The following CSMD1 variants were observed in gnomAD, a reference collection of about 807,000 sequenced individuals.
The protein encoded by CSMD1 is CUB and sushi domain-containing protein 1.
In CSMD1, 213 loss-of-function variants were observed where a neutral mutation model predicts 417.5. The observed-to-expected ratio is 0.51, with a 90% CI of 0.46 to 0.57. CSMD1 has a LOEUF of 0.57. CSMD1 is among the 20% of genes least tolerant of loss of function. CSMD1 has a pLI of 0.00. For missense variants in CSMD1, 6,923 were observed against 4,529.7 expected (o/e 1.53, Z -15.17); for synonymous variants, 2,862 against 1,736.8 (o/e 1.65, Z -16.11).
intron 41 of CSMD1, among the ~76,000 whole-genome samples, chr8:3,118,943 G>C (rs1285460994): frequency 1.3e-5 from 2 of 152,202 alleles, no homozygotes; most frequent in East Asian, 1.9e-4. Context: ...CACTCTGGGA[G>C]GCCGAGGCGG....
chr8:3,572,273 T>G (rs560311030), intron 10 of CSMD1, among the ~76,000 whole-genome samples: 1 of 152,234 alleles, frequency 6.6e-6, no homozygotes, highest in East Asian at 1.9e-4. Flanking sequence ...CTTTGCAAAC[T>G]CTGAGGGCAG....
chr8:3,638,522 G>C (rs1045290997), intron 7 of CSMD1, among the ~76,000 whole-genome samples: 1 of 152,086 alleles, frequency 6.6e-6, no homozygotes, highest in Non-Finnish European at 1.5e-5. Flanking sequence ...AATATATTTG[G>C]TAATTCAGGA....
intron 1 of CSMD1, chr8:4,788,592 C>CA: frequency 8.5e-7 from 1 of 1,178,346 alleles, no homozygotes; most frequent in East Asian, 2.4e-5. Context: ...TTATAAGAAA[C>CA]AATGCCATTG....
intron 3 of CSMD1, among the ~76,000 whole-genome samples, chr8:4,186,929 G>C (rs1798712988): frequency 6.6e-6 from 1 of 152,062 alleles, no homozygotes; most frequent in South Asian, 2.1e-4. Flanking sequence ...CCACGAGGCA[G>C]AGATTGCAGT....
intron 25 of CSMD1, among the ~76,000 whole-genome samples, chr8:3,288,094 C>G (rs1803289711): frequency 6.8e-6 from 1 of 147,374 alleles, no homozygotes; most frequent in Middle Eastern, 3.4e-3. Context: ...TGTTTATATG[C>G]TGGATTACAT....
intron 5 of CSMD1, among the ~76,000 whole-genome samples, chr8:3,941,165 A>G (rs1014628628): frequency 6.6e-6 from 1 of 152,136 alleles, no homozygotes; most frequent in Non-Finnish European, 1.5e-5. Flanking sequence ...ATTTCAAAAT[A>G]AAATATTCAG....
intron 4 of CSMD1, among the ~76,000 whole-genome samples, chr8:4,023,960 G>A (rs867766321): frequency 1.3e-5 from 2 of 151,610 alleles, no homozygotes; most frequent in Non-Finnish European, 1.5e-5. Flanking sequence ...TACATTAAGA[G>A]CGACTTCATT....
rs869046913 is a variant in CSMD1, at chr8:4,236,035, GT to G, written c.415+183917del. Among the ~76,000 whole-genome samples, 291 of 112,654 alleles carry G rather than the reference GT, an allele frequency of 2.6e-3. 6 individuals are homozygous for G. The highest frequency in any genetic ancestry group is 0.011 in the African/African-American group (277 of 25,762). The allele number at this position is 112,654 out of a possible 152,430, so 73.9% of individuals were successfully genotyped here. ...GAGGTTAATGGATATTGTTTTTTTT[GT>G]TTGTTTTTTTTTTTTTTTTTTTTTT... On this transcript the variant is annotated intron_variant, in intron 3 of 69. Coordinates refer to ENST00000635120, the MANE Select transcript of CSMD1 (RefSeq NM_033225.6).
intron 31 of CSMD1, among the ~76,000 whole-genome samples, chr8:3,203,731 G>A (rs1281183914): frequency 1.3e-5 from 2 of 152,184 alleles, no homozygotes; most frequent in Non-Finnish European, 2.9e-5. Context: ...TGTTTATCAC[G>A]ATACTAACAT....
chr8:3,863,542 C>A (rs1476901527), intron 5 of CSMD1, among the ~76,000 whole-genome samples: 1 of 151,998 alleles, frequency 6.6e-6, no homozygotes, highest in Non-Finnish European at 1.5e-5. Flanking sequence ...AGGAGGACAC[C>A]AACATTCAGA....
intron 68 of CSMD1, among the ~76,000 whole-genome samples, chr8:2,947,478 T>A (rs745452821): frequency 6.6e-6 from 1 of 152,186 alleles, no homozygotes; most frequent in Admixed American, 6.5e-5. Flanking sequence ...AAGTAAACTG[T>A]TTTTCCTGAC....
chr8:4,667,020 T>C (rs1217233345), intron 1 of CSMD1, among the ~76,000 whole-genome samples: 1 of 152,196 alleles, frequency 6.6e-6, no homozygotes, highest in Non-Finnish European at 1.5e-5. Context: ...TTGAGTTAAC[T>C]TTTGTGTATA....
intron 26 of CSMD1, among the ~76,000 whole-genome samples, chr8:3,272,482 C>G (rs1240048428): frequency 2.7e-5 from 4 of 148,752 alleles, no homozygotes; most frequent in East Asian, 2.0e-4. Flanking sequence ...TCATTGGTAA[C>G]TTGAAGGGGA....
chr8:4,154,391 T>C (rs566979496), intron 3 of CSMD1, among the ~76,000 whole-genome samples: 1 of 152,202 alleles, frequency 6.6e-6, no homozygotes, highest in East Asian at 1.9e-4. Context: ...TCTAATCTAT[T>C]GTATAAGTAT....
intron 11 of CSMD1, among the ~76,000 whole-genome samples, chr8:3,483,856 T>G (rs1817878931): frequency 6.6e-6 from 1 of 152,158 alleles, no homozygotes; most frequent in Non-Finnish European, 1.5e-5. Context: ...TCAATCAATG[T>G]CATCCACCAT....
chr8:4,620,520 C>T (rs1801715020), intron 2 of CSMD1, among the ~76,000 whole-genome samples: 1 of 151,552 alleles, frequency 6.6e-6, no homozygotes, highest in Non-Finnish European at 1.5e-5. Context: ...ACAAGGAAAA[C>T]ATGTTTCAAG....
At chr8:4,974,710 T>C (rs552350115) in intron 1 of CSMD1, among the ~76,000 whole-genome samples, 50 of 152,304 alleles carry the variant, frequency 3.3e-4, no homozygotes, top group South Asian at 2.1e-3. Context: ...TGTCGAAGGA[T>C]AACACCTTTG....
intron 1 of CSMD1, among the ~76,000 whole-genome samples, chr8:4,952,925 T>C (rs1228202980): frequency 3.3e-5 from 5 of 152,182 alleles, no homozygotes; most frequent in Non-Finnish European, 7.4e-5. Flanking sequence ...GATTCACTGC[T>C]ACATACTACA....
intron 4 of CSMD1, among the ~76,000 whole-genome samples, chr8:4,027,810 C>T (rs933928363): frequency 5.3e-5 from 8 of 149,616 alleles, no homozygotes; most frequent in African/African-American, 1.5e-4. Flanking sequence ...GGCCAAGACA[C>T]TTGAAATGAA....
Sources: gnomAD v4.1 joint callset for allele counts (sites outside exome capture counted in the v4.1 genomes callset) on GRCh38, gnomAD v4.1.1 for gene constraint, MANE v1.5 for transcripts, NCBI Gene and HGNC (gene_info 2026-07-23, HGNC 2026-07-21) for gene names.